Variants in ATP6V1A observed in about 807,000 individuals in gnomAD.
The protein encoded by ATP6V1A is V-type proton ATPase catalytic subunit A.
ATP6V1A carries 18 observed loss-of-function variants against 70.1 expected under a neutral mutation model. The observed-to-expected ratio is 0.26, with a 90% CI of 0.18 to 0.38. ATP6V1A has a LOEUF of 0.38. Ranked by LOEUF, ATP6V1A falls within the 10% of genes least tolerant of loss-of-function variation. The probability of loss-of-function intolerance (pLI) is 1.00; values close to 1 mark genes in which losing one functional copy is unlikely to be tolerated. For missense variants in ATP6V1A, 424 were observed against 772.4 expected, an observed-to-expected ratio of 0.55 and a Z score of 5.35; for synonymous variants, 232 against 253.8, an observed-to-expected ratio of 0.91 and a Z score of 0.82.
rs559664152 is a variant in ATP6V1A at position 113,763,334 on chromosome 3, A to G, written c.-13-15407A>G. 2.6e-5 allele frequency among the ~76,000 whole-genome samples: 4 copies of G among 152,228 alleles called. No homozygotes were observed. In the South Asian group the frequency reaches 8.3e-4, roughly 32 times the overall value. Reference sequence around the variant, plus strand: ...GATCTCCTGACCTCGTGATCCGCCCACCTTGGCCTCCCAAAGTGCTGGGAT... The same window carrying G: ...GATCTCCTGACCTCGTGATCCGCCCGCCTTGGCCTCCCAAAGTGCTGGGAT... On this transcript the variant is annotated intron_variant, in intron 1 of 14. Coordinates refer to ENST00000273398, the MANE Select transcript of ATP6V1A (RefSeq NM_001690.4).
At chr3:113,799,889 T>C (rs1361118858) in intron 12 of ATP6V1A, among the ~76,000 whole-genome samples, 1 of 152,052 alleles carries the variant, frequency 6.6e-6, no homozygotes, top group African/African-American at 2.4e-5. Context: ...GAAGATGATA[T>C]GAAAATAGAA....
rs1709072368 is a variant in ATP6V1A, at chr3:113,789,742, A to T, written c.890A>T (p.Glu297Val). The T allele has an allele frequency of 6.2e-7, 1 of 1,606,452 alleles. No individual in the cohort carries two copies. The highest frequency in any genetic ancestry group is 8.5e-7 in the Non-Finnish European group (1 of 1,173,314). The change falls in exon 8 of 15, where the codon GAG becomes GTG. Residue 297 changes from glutamate (E) to valine (V), a missense_variant. Physicochemically the swap from Glu to Val is moderately radical, Grantham distance 121 (BLOSUM62 -2). Around this residue, in one of 9 missense-constraint regions of ATP6V1A, gnomAD observed 18 missense variants for 16.2 expected, o/e 1.11. Coordinates refer to ENST00000273398, the MANE Select transcript of ATP6V1A (RefSeq NM_001690.4). Reference sequence around the variant, plus strand: ...ATATTTTACCTCTAGCTCACAATGGAGGTTGATGGTAAGGTAGAGTCAATT... The same window carrying T: ...ATATTTTACCTCTAGCTCACAATGGTGGTTGATGGTAAGGTAGAGTCAATT... ...VLRDFPELTMEVDGKVESIMK... is the reference protein window; with the variant it reads ...VLRDFPELTMVVDGKVESIMK...
chr3:113,771,198 T>G (rs1463746596), intron 1 of ATP6V1A, among the ~76,000 whole-genome samples: 1 of 152,204 alleles, frequency 6.6e-6, no homozygotes, highest in East Asian at 1.9e-4. Flanking sequence ...AAAAGCCTAT[T>G]TTTCACTGAG....
intron 1 of ATP6V1A, among the ~76,000 whole-genome samples, chr3:113,760,299 A>T (rs1708688442): frequency 6.6e-6 from 1 of 152,216 alleles, no homozygotes; most frequent in African/African-American, 2.4e-5. Flanking sequence ...TTTAGGATAT[A>T]TTTTTATTGC....
intron 6 of ATP6V1A, among the ~76,000 whole-genome samples, chr3:113,788,412 G>A (rs1012678175): frequency 6.6e-6 from 1 of 151,488 alleles, no homozygotes; most frequent in Non-Finnish European, 1.5e-5. Context: ...TCGGCTCATT[G>A]CAACCTCCAC....
chr3:113,808,783 G>A (rs1288939023), intron 14 of ATP6V1A, among the ~76,000 whole-genome samples: 1 of 152,130 alleles, frequency 6.6e-6, no homozygotes, highest in Non-Finnish European at 1.5e-5. Flanking sequence ...TGAGGATAAA[G>A]GCTTTGGTCA....
chr3:113,777,239 G>C (rs1708924606), intron 1 of ATP6V1A, among the ~76,000 whole-genome samples: 2 of 152,148 alleles, frequency 1.3e-5, no homozygotes, highest in Non-Finnish European at 2.9e-5. Flanking sequence ...AGGTTGAAAT[G>C]AATTTCTTAA....
At chr3:113,781,638 A>G (rs183583090) in intron 3 of ATP6V1A, among the ~76,000 whole-genome samples, 2 of 152,262 alleles carry the variant, frequency 1.3e-5, no homozygotes, top group African/African-American at 4.8e-5. Flanking sequence ...ATGCAGGAGT[A>G]TGTTAAAGAA....
Position 113,784,364 on chromosome 3 carries a change from A to C in ATP6V1A, c.352A>C (p.Ile118Leu). 2 of 1,614,230 alleles carry C rather than the reference A, an allele frequency of 1.2e-6. No homozygotes were observed. The highest frequency in any genetic ancestry group is 1.7e-6 in the Non-Finnish European group (2 of 1,180,024). Residue 118 changes from isoleucine to leucine, a missense_variant, in exon 4 of 15, where the codon ATC becomes CTC. Transcript: ENST00000273398. ...CAGCAGTCAGACCCAAAGCATCTACATCCCCAGAGGAGTAAACGTGTCTGC... is the reference window on the plus strand; with the variant it reads ...CAGCAGTCAGACCCAAAGCATCTACCTCCCCAGAGGAGTAAACGTGTCTGC... ...DISSQTQSIYIPRGVNVSALS... is the reference protein window; with the variant it reads ...DISSQTQSIYLPRGVNVSALS...
rs1443629141 is a variant in ATP6V1A at position 113,791,585 on chromosome 3, G to A, written c.988+1745G>A. On this transcript the variant is annotated intron_variant, in intron 8 of 14. Coordinates refer to ENST00000273398, the MANE Select transcript of ATP6V1A (RefSeq NM_001690.4). Reference sequence around the variant, plus strand: ...GGGCTGGCTGTGACTGTGTACCAGGGTAGCAGGAATTCTTCATGGTAACTT... The same window carrying A: ...GGGCTGGCTGTGACTGTGTACCAGGATAGCAGGAATTCTTCATGGTAACTT... Among the ~76,000 whole-genome samples, 6 of 152,068 alleles carry A rather than the reference G, an allele frequency of 3.9e-5. No homozygotes were observed. The East Asian group carries it at 1.2e-3, about 29-fold the overall frequency.
Position 113,789,859 on chromosome 3 carries a change from T to G in ATP6V1A, c.988+19T>G, listed in dbSNP as rs1273668110. 1 of 1,539,056 alleles carries G rather than the reference T, an allele frequency of 6.5e-7. No individual in the cohort carries two copies. Among genetic ancestry groups the G allele is most frequent in the Admixed American group, 1.7e-5 (1 of 59,544 alleles). On this transcript the variant is annotated intron_variant, in intron 8 of 14. Coordinates refer to ENST00000273398, the MANE Select transcript of ATP6V1A (RefSeq NM_001690.4). The stretch of plus-strand genomic sequence containing the variant: ...TATACTGGTGAGTATATAATTGGAA[T>G]AAAAGCAGTTAACATCTGTTCTTAA...
intron 1 of ATP6V1A, among the ~76,000 whole-genome samples, chr3:113,765,682 C>T (rs975745052): frequency 4.0e-5 from 6 of 150,296 alleles, no homozygotes; most frequent in Non-Finnish European, 5.9e-5. Context: ...TTTGGGAGGC[C>T]GAGGTGGGCA....
intron 8 of ATP6V1A, 35 bp downstream of exon 8, chr3:113,789,875 C>T: frequency 6.7e-7 from 1 of 1,500,678 alleles, no homozygotes; most frequent in Non-Finnish European, 9.3e-7. Flanking sequence ...CAGTTAACAT[C>T]TGTTCTTAAG....
Position 113,781,317 on chromosome 3 carries a change from G to GACCA in ATP6V1A, c.211+140_211+143dup, listed in dbSNP as rs1476354568. The GACCA allele has an allele frequency of 4.3e-6, 4 of 925,172 alleles. No individual in the cohort carries two copies. The African/African-American group carries it at 7.0e-5, about 16-fold the overall frequency. 57.3% of individuals were successfully genotyped at this position (925,172 alleles called of 1,614,324 possible). ...GGATCACCTGAGGTCAGGAATTTGA[G>GACCA]ACCAGCCTGGCCAACATGGTGAAAC... On this transcript the variant is annotated intron_variant, in intron 3 of 14. Transcript: ENST00000273398.
chr3:113,756,221 C>T (rs755537353), intron 1 of ATP6V1A, among the ~76,000 whole-genome samples: 1 of 152,160 alleles, frequency 6.6e-6, no homozygotes, highest in East Asian at 1.9e-4. Flanking sequence ...GCCATAATAC[C>T]GCTAAACATG....
intron 1 of ATP6V1A, among the ~76,000 whole-genome samples, chr3:113,766,119 T>C (rs1485191381): frequency 6.6e-6 from 1 of 152,168 alleles, no homozygotes; most frequent in Non-Finnish European, 1.5e-5. Flanking sequence ...TGCCATAGAC[T>C]ATGTGACTTA....
At chr3:113,761,868 G>C (rs1234131451) in intron 1 of ATP6V1A, among the ~76,000 whole-genome samples, 1 of 128,854 alleles carries the variant, frequency 7.8e-6, no homozygotes, top group Non-Finnish European at 1.7e-5. Flanking sequence ...AATTGGTAAA[G>C]TTGGCTGGGC....
chr3:113,788,615 C>T (rs1709061482), intron 6 of ATP6V1A, 98 bp from the exon 7 acceptor site: 3 of 1,141,484 alleles, frequency 2.6e-6, no homozygotes, highest in African/African-American at 1.6e-5. Flanking sequence ...ACAAGTGCTG[C>T]TGGGATTACA....
chr3:113,788,982 C>G (rs886597797), intron 7 of ATP6V1A, 107 bp downstream of exon 7: 1 of 984,084 alleles, frequency 1.0e-6, no homozygotes, highest in Middle Eastern at 3.2e-4. Flanking sequence ...TGTCATTCGT[C>G]AAGGATCTTT....
Sources: gnomAD v4.1 joint callset for allele counts (sites outside exome capture counted in the v4.1 genomes callset) on GRCh38, gnomAD v4.1.1 for gene constraint, gnomAD v4.1.1 regional missense constraint, MANE v1.5 for transcripts, NCBI Gene and HGNC (gene_info 2026-07-23, HGNC 2026-07-21) for gene names.